GARIN1B: variants seen among roughly 807,000 people sequenced by gnomAD.
The protein encoded by GARIN1B is Golgi-associated RAB2 interactor protein 1B.
the GARIN1B span, chr7:128,716,923 C>T: frequency 1.8e-4 from 298 of 1,613,896 alleles, no homozygotes; most frequent in Non-Finnish European, 2.4e-4. Flanking sequence ...TACTCATGGC[C>T]AGTGTCAAAT....
chr7:128,727,371 G>A, the GARIN1B span, among the ~76,000 whole-genome samples: 1,375 of 152,354 alleles, frequency 9.0e-3, 14 homozygotes, highest in Middle Eastern at 0.027. Flanking sequence ...GGAGCACAAA[G>A]AAGGGGGTCC....
chr7:128,713,830 T>G, the GARIN1B span: 246 of 557,106 alleles, frequency 4.4e-4, no homozygotes, highest in Non-Finnish European at 6.3e-4. Context: ...TCTAAACCAA[T>G]GAGCTTTATT....
At chr7:128,718,787 G>A in the GARIN1B span, 1 of 1,596,118 alleles carries the variant, frequency 6.3e-7, no homozygotes, top group Non-Finnish European at 8.6e-7. Context: ...GGTCAGATTG[G>A]ATGCAATAGG....
At chr7:128,709,847 G>T in the GARIN1B span, among the ~76,000 whole-genome samples, 7 of 150,922 alleles carry the variant, frequency 4.6e-5, no homozygotes. Flanking sequence ...TGCCTCCTGG[G>T]TTCAAGCGAT....
At chr7:128,720,867 G>A in the GARIN1B span, among the ~76,000 whole-genome samples, 2 of 151,984 alleles carry the variant, frequency 1.3e-5, no homozygotes, top group Admixed American at 6.6e-5. Flanking sequence ...GGTTAATGTA[G>A]CTTTATATTA....
At chr7:128,718,723 T>C in the GARIN1B span, 3 of 1,392,618 alleles carry the variant, frequency 2.2e-6, no homozygotes, top group Non-Finnish European at 2.9e-6. Flanking sequence ...CCCTCTTTTC[T>C]ACCTCCAAAA....
At chr7:128,714,184 A>G in the GARIN1B span, 3 of 1,503,480 alleles carry the variant, frequency 2.0e-6, no homozygotes, top group African/African-American at 1.4e-5. Flanking sequence ...AATGAAATAC[A>G]AAAGTCAGCC....
the GARIN1B span, chr7:128,714,142 T>C: frequency 3.3e-6 from 5 of 1,535,816 alleles, no homozygotes; most frequent in African/African-American, 2.7e-5. Context: ...GGTGAGAGCC[T>C]CCAGGCCCTT....
the GARIN1B span, among the ~76,000 whole-genome samples, chr7:128,710,031 C>T: frequency 6.6e-6 from 1 of 152,054 alleles, no homozygotes; most frequent in Non-Finnish European, 1.5e-5. Flanking sequence ...AATTCTCCTG[C>T]CTCAATCTCC....
the GARIN1B span, among the ~76,000 whole-genome samples, chr7:128,718,450 AG>A: frequency 4.2e-5 from 6 of 143,844 alleles, no homozygotes; most frequent in African/African-American, 1.6e-4. Context: ...AAAAAAAAAA[AG>A]AAAGAAAGAA....
At chr7:128,722,761 A>G in the GARIN1B span, among the ~76,000 whole-genome samples, 1 of 151,996 alleles carries the variant, frequency 6.6e-6, no homozygotes, top group South Asian at 2.1e-4. Context: ...CCGAGATCGC[A>G]CCACTGCACT....
chr7:128,728,556 C>G, the GARIN1B span, among the ~76,000 whole-genome samples: 2 of 152,248 alleles, frequency 1.3e-5, no homozygotes, highest in East Asian at 1.9e-4. Context: ...GGTGTCAAAA[C>G]TGAGAAGACA....
chr7:128,725,429 C>T, the GARIN1B span, among the ~76,000 whole-genome samples: 1 of 152,002 alleles, frequency 6.6e-6, no homozygotes, highest in Non-Finnish European at 1.5e-5. Flanking sequence ...GGCTGGAGTG[C>T]AGTGGCATCT....
At chr7:128,717,444 C>CT in the GARIN1B span, among the ~76,000 whole-genome samples, 293 of 136,700 alleles carry the variant, frequency 2.1e-3, 1 homozygote, top group Middle Eastern at 3.7e-3. Context: ...TTCTTTCTTT[C>CT]TTTTTTTTTT....
At chr7:128,725,806 A>G in the GARIN1B span, among the ~76,000 whole-genome samples, 1 of 149,698 alleles carries the variant, frequency 6.7e-6, no homozygotes, top group Non-Finnish European at 1.5e-5. Flanking sequence ...AGACATGTAC[A>G]CAACACAAAA....
the GARIN1B span, among the ~76,000 whole-genome samples, chr7:128,725,397 G>T: frequency 6.7e-6 from 1 of 149,326 alleles, no homozygotes; most frequent in African/African-American, 2.5e-5. Flanking sequence ...TCTTTTTTGA[G>T]ACAGTCTCAC....
chr7:128,729,708 TCTC>T, the GARIN1B span, among the ~76,000 whole-genome samples: 1 of 152,098 alleles, frequency 6.6e-6, no homozygotes, highest in South Asian at 2.1e-4. Flanking sequence ...TGACTCTGCT[TCTC>T]CTTGTGTGAC....
At chr7:128,718,449 AAG>A in the GARIN1B span, among the ~76,000 whole-genome samples, 1 of 149,652 alleles carries the variant, frequency 6.7e-6, no homozygotes, top group South Asian at 2.1e-4. Flanking sequence ...AAAAAAAAAA[AAG>A]AAAGAAAGAA....
chr7:128,725,562 G>A, the GARIN1B span, among the ~76,000 whole-genome samples: 1 of 152,048 alleles, frequency 6.6e-6, no homozygotes, highest in African/African-American at 2.4e-5. Context: ...ATTAGAGATG[G>A]GGTTTCACCA....
Sources: allele counts gnomAD v4.1 joint callset (sites outside exome capture counted in the v4.1 genomes callset), GRCh38; gene constraint gnomAD v4.1.1; transcripts MANE v1.5; gene names NCBI Gene and HGNC (gene_info 2026-07-23, HGNC 2026-07-21).